The following PGM1 variants were observed in gnomAD, a reference collection of about 807,000 sequenced individuals.
The protein encoded by PGM1 is phosphoglucomutase-1.
Under a neutral mutation model 55.6 loss-of-function variants are expected in PGM1, and 52 were observed. The ratio of observed to expected loss-of-function variants is 0.94; its 90% CI spans 0.75 to 1.18. The LOEUF (loss-of-function observed/expected upper bound fraction) is 1.18. PGM1 is among the 50% of genes most tolerant of loss of function. The pLI, the probability that PGM1 is intolerant of heterozygous loss-of-function variation, is 0.00. For synonymous variants in PGM1, 287 were observed against 271.7 expected (o/e 1.06, Z -0.55); for missense variants, 724 against 729.3 (o/e 0.99, Z 0.08).
At chr1:63,621,301 G>A (rs1387922070) in intron 1 of PGM1, among the ~76,000 whole-genome samples, 2 of 151,478 alleles carry the variant, frequency 1.3e-5, no homozygotes, top group Non-Finnish European at 2.9e-5. Flanking sequence ...CTGGAGTGTG[G>A]TGTATTATGT....
At chr1:63,604,383 G>T (rs1648352826) in intron 1 of PGM1, among the ~76,000 whole-genome samples, 1 of 152,078 alleles carries the variant, frequency 6.6e-6, no homozygotes, top group Non-Finnish European at 1.5e-5. Flanking sequence ...CATCTTGAAG[G>T]TGTTGCCCTT....
Position 63,631,656 on chromosome 1 carries a change from G to A in PGM1, c.557-1G>A, listed in dbSNP as rs1557432254. On this transcript the variant is annotated splice_acceptor_variant, in intron 3 of 10. Transcript: ENST00000371084. LOFTEE classifies it high-confidence loss of function. ...TCTTTTGATGTTGCTTGTTCTCACA[G>A]TGGAAATTGTGGATTCGGTAGAAGC... The A allele has an allele frequency of 3.1e-6, 5 of 1,612,940 alleles. No individual in the cohort carries two copies. Among genetic ancestry groups the A allele is most frequent in the African/African-American group, 1.3e-5 (1 of 74,888 alleles).
At chr1:63,648,756 A>G in intron 8 of PGM1, 104 bp downstream of exon 8, 1 of 1,242,704 alleles carries the variant, frequency 8.0e-7, no homozygotes, top group Non-Finnish European at 1.2e-6. Flanking sequence ...ATAAAACCCT[A>G]GGTCATCCAG....
intron 1 of PGM1, chr1:63,594,241 CGACA>C (rs1647969314): frequency 1.6e-6 from 1 of 624,376 alleles, no homozygotes. Flanking sequence ...GCTCGGAGCC[CGACA>C]CTGTGGGGCA....
chr1:63,657,145 T>A (rs1649990415), intron 10 of PGM1, among the ~76,000 whole-genome samples: 2 of 152,220 alleles, frequency 1.3e-5, no homozygotes, highest in Admixed American at 1.3e-4. Flanking sequence ...ATAAATAGCA[T>A]TTGCCATGCT....
chr1:63,600,383 A>T (rs1383512588), intron 1 of PGM1, among the ~76,000 whole-genome samples: 1 of 152,226 alleles, frequency 6.6e-6, no homozygotes, highest in Non-Finnish European at 1.5e-5. Flanking sequence ...GTTTTTGTAA[A>T]CAAGATAACA....
At chr1:63,617,081 C>T (rs1648734547) in intron 1 of PGM1, among the ~76,000 whole-genome samples, 1 of 152,186 alleles carries the variant, frequency 6.6e-6, no homozygotes, top group African/African-American at 2.4e-5. Flanking sequence ...ATCCCTGTTT[C>T]AAAGGTGAGA....
Position 63,634,856 on chromosome 1 carries a change from T to A in PGM1, c.710T>A (p.Leu237His). The A allele has an allele frequency of 6.2e-7, 1 of 1,613,580 alleles. No homozygotes were observed. Among genetic ancestry groups the A allele is most frequent in the Non-Finnish European group, 8.5e-7 (1 of 1,179,978 alleles). Reference sequence around the variant, plus strand: ...GTGGGACCGTATGTAAAGAAGATCCTCTGTGAAGAACTCGGTGCCCCTGCG... The same window carrying A: ...GTGGGACCGTATGTAAAGAAGATCCACTGTGAAGAACTCGGTGCCCCTGCG... ...GVVGPYVKKI[L>H]CEELGAPANS... The change falls in exon 5 of 11, where the codon CTC becomes CAC. Residue 237 changes from leucine (L) to histidine (H), a missense_variant. Transcript: ENST00000371084.
intron 8 of PGM1, among the ~76,000 whole-genome samples, chr1:63,648,950 G>A (rs1186810834): frequency 6.6e-6 from 1 of 152,204 alleles, no homozygotes; most frequent in African/African-American, 2.4e-5. Context: ...TTTGGATTCA[G>A]AGAAATGGAT....
rs145807501 is a variant in PGM1 at position 63,636,260 on chromosome 1, T to C, written c.900T>C (p.His300=). The C allele has an allele frequency of 6.4e-5, 104 of 1,614,116 alleles. No individual in the cohort carries two copies. The Middle Eastern group carries it at 6.6e-4, about 10-fold the overall frequency. The change falls in exon 6 of 11, where the codon CAT becomes CAC. Residue 300 remains histidine (H), a synonymous_variant. Coordinates refer to ENST00000371084, the MANE Select transcript of PGM1 (RefSeq NM_002633.3). ...ATCGAAACATGATTCTGGGCAAGCA[T>C]GGGTTCTTTGTGAACCCTTCAGACT... is the stretch of plus-strand genomic sequence containing the variant. ...DGDRNMILGK[H]GFFVNPSDSV...
At chr1:63,630,121 C>G in intron 3 of PGM1, 33 bp downstream of exon 3, 1 of 1,608,384 alleles carries the variant, frequency 6.2e-7, no homozygotes, top group South Asian at 1.1e-5. Flanking sequence ...TCTGCCCACT[C>G]CTATTTCCAA....
At chr1:63,593,871 C>T in intron 1 of PGM1, 137 bp downstream of exon 1, 1 of 1,290,752 alleles carries the variant, frequency 7.7e-7, no homozygotes, top group Non-Finnish European at 9.7e-7. Flanking sequence ...CCTCCCTCTC[C>T]TTCGCGCTCG....
rs139290312 is a variant in PGM1 at position 63,633,441 on chromosome 1, A to T, written c.683-1388A>T. Reference sequence around the variant, plus strand: ...TCACAGCCCTGGCTGCCTTGACCTCATTCTGTGGTGTGTCAGTAACCTGCT... The same window carrying T: ...TCACAGCCCTGGCTGCCTTGACCTCTTTCTGTGGTGTGTCAGTAACCTGCT... On this transcript the variant is annotated intron_variant, in intron 4 of 10. Transcript: ENST00000371084. 3.7e-3 allele frequency among the ~76,000 whole-genome samples: 566 copies of T among 152,186 alleles called. 4 individuals carry two copies. The highest frequency in any genetic ancestry group is 0.013 in the African/African-American group (550 of 41,528).
At chr1:63,609,867 T>C (rs1648521560) in intron 1 of PGM1, among the ~76,000 whole-genome samples, 1 of 152,198 alleles carries the variant, frequency 6.6e-6, no homozygotes, top group South Asian at 2.1e-4. Flanking sequence ...TAAGGTAGGC[T>C]AGGCCAGGCC....
chr1:63,610,823 G>A (rs192329434), intron 1 of PGM1, among the ~76,000 whole-genome samples: 360 of 152,232 alleles, frequency 2.4e-3, no homozygotes, highest in Non-Finnish European at 4.3e-3. Context: ...GTAATATGTC[G>A]TCAGCCTGAT....
At chr1:63,642,583 C>T (rs558905874) in intron 7 of PGM1, among the ~76,000 whole-genome samples, 2 of 152,240 alleles carry the variant, frequency 1.3e-5, no homozygotes, top group African/African-American at 2.4e-5. Flanking sequence ...GAATAGTATA[C>T]AATACCATGC....
At chr1:63,653,744 C>T (rs1049101107) in intron 9 of PGM1, among the ~76,000 whole-genome samples, 2 of 152,188 alleles carry the variant, frequency 1.3e-5, no homozygotes, top group African/African-American at 4.8e-5. Context: ...GCACTTCACA[C>T]GGACCTCGCT....
intron 1 of PGM1, among the ~76,000 whole-genome samples, chr1:63,608,944 CATT>C (rs1648495855): frequency 6.6e-6 from 1 of 152,198 alleles, no homozygotes; most frequent in African/African-American, 2.4e-5. Context: ...TAGGGCCTGA[CATT>C]GTAACTGGTT....
chr1:63,593,613 G>C lies in PGM1; in HGVS notation c.125G>C (p.Ser42Thr), dbSNP rs374207269. ...AACTACGCGGAGAACTTCATCCAGA[G>C]TATCATCTCCACCGTGGAGCCGGCG... is the stretch of plus-strand genomic sequence containing the variant. Reference protein sequence around the residue: ...SANYAENFIQSIISTVEPAQR... With the variant: ...SANYAENFIQTIISTVEPAQR... Residue 42 changes from serine to threonine, a missense_variant, in exon 1 of 11, where the codon AGT (serine) becomes ACT (threonine). This residue lies in a region of PGM1 where 379 missense variants were observed against 357.5 expected (regional missense o/e 1.06). Transcript: ENST00000371084. The C allele has an allele frequency of 1.1e-5, 17 of 1,613,202 alleles. No individual in the cohort carries two copies. Among genetic ancestry groups the C allele is most frequent in the Non-Finnish European group, 1.4e-5 (17 of 1,179,826 alleles).
Sources: gnomAD v4.1 joint callset for allele counts (sites outside exome capture counted in the v4.1 genomes callset) on GRCh38, gnomAD v4.1.1 for gene constraint, gnomAD v4.1.1 regional missense constraint, MANE v1.5 for transcripts, NCBI Gene and HGNC (gene_info 2026-07-23, HGNC 2026-07-21) for gene names.